VPS4B: variants seen among roughly 807,000 people sequenced by gnomAD.
The protein encoded by VPS4B is vacuolar protein sorting-associated protein 4B.
A neutral mutation model predicts 56.1 loss-of-function variants in VPS4B; 23 were observed. That is an observed-to-expected ratio of 0.41 (90% CI 0.30 to 0.58). VPS4B has a LOEUF of 0.58. VPS4B is among the 20% of genes least tolerant of loss of function. VPS4B has a pLI of 0.29. For synonymous variants in VPS4B, 177 were observed against 186.0 expected, an observed-to-expected ratio of 0.95 and a Z score of 0.39; for missense variants, 372 against 531.9, an observed-to-expected ratio of 0.70 and a Z score of 2.96.
chr18:63,400,785 T>C, intron 5 of VPS4B, 82 bp from the exon 6 acceptor site: 1 of 1,331,518 alleles, frequency 7.5e-7, no homozygotes, highest in Non-Finnish European at 1.0e-6. Flanking sequence ...TCTGGAAAGA[T>C]TTTCACTCTA....
intron 1 of VPS4B, among the ~76,000 whole-genome samples, chr18:63,412,030 A>G (rs1197425588): frequency 2.6e-5 from 4 of 152,248 alleles, no homozygotes; most frequent in African/African-American, 9.6e-5. Context: ...CTTCAGAAGC[A>G]ATGGGGCAAT....
chr18:63,415,900 C>A, intron 1 of VPS4B: 1 of 203,300 alleles, frequency 4.9e-6, no homozygotes, highest in East Asian at 1.3e-4. Flanking sequence ...GCCTAGAGGT[C>A]CGTACAGCAG....
intron 1 of VPS4B, among the ~76,000 whole-genome samples, chr18:63,419,365 C>T (rs1435818206): frequency 6.6e-6 from 1 of 151,736 alleles, no homozygotes; most frequent in Non-Finnish European, 1.5e-5. Context: ...TACCATAAGC[C>T]GAGATCATGC....
At position 63,407,510 on chromosome 18, in the gene VPS4B, G is replaced by T. The variant is rs1220374327; in HGVS notation, c.297-11C>A. On this transcript the variant is annotated splice_polypyrimidine_tract_variant and intron_variant, in intron 3 of 10. Coordinates refer to ENST00000238497, the MANE Select transcript of VPS4B (RefSeq NM_004869.4). The stretch of plus-strand genomic sequence containing the variant: ...CCATCACTGTCATTCCTAATAAAAA[G>T]AATTTAATATATTCAAATGATCACT... 2 of 1,590,522 alleles carry T rather than the reference G, an allele frequency of 1.3e-6. No homozygotes were observed. The highest frequency in any genetic ancestry group is 8.6e-7 in the Non-Finnish European group (1 of 1,168,898).
intron 8 of VPS4B, among the ~76,000 whole-genome samples, chr18:63,398,552 T>A (rs1915734111): frequency 6.6e-6 from 1 of 150,390 alleles, no homozygotes; most frequent in African/African-American, 2.4e-5. Context: ...AAAAAAAAAA[T>A]CTTGGCTGGG....
chr18:63,408,896 G>A (rs1302973667), intron 3 of VPS4B, among the ~76,000 whole-genome samples: 2 of 152,210 alleles, frequency 1.3e-5, no homozygotes, highest in African/African-American at 4.8e-5. Flanking sequence ...AAGCAAGAGA[G>A]AAGAGCTTCT....
rs375050744 is a variant in VPS4B at position 63,403,703 on chromosome 18, T to C, written c.484+4A>G. ...GAAATAAAATTATTTAAAAGTTATGTCACCTGTAAAAAGATGAGGAAATTT... is the reference window on the plus strand; with the variant it reads ...GAAATAAAATTATTTAAAAGTTATGCCACCTGTAAAAAGATGAGGAAATTT... On this transcript the variant is annotated splice_donor_region_variant and intron_variant, in intron 5 of 10. Coordinates refer to ENST00000238497, the MANE Select transcript of VPS4B (RefSeq NM_004869.4). The C allele has an allele frequency of 2.5e-6, 4 of 1,599,890 alleles. No homozygotes were observed. The highest frequency in any genetic ancestry group is 1.1e-5 in the South Asian group (1 of 87,698).
intron 6 of VPS4B, 30 bp downstream of exon 6, chr18:63,400,517 A>C: frequency 6.3e-7 from 1 of 1,592,252 alleles, no homozygotes; most frequent in Non-Finnish European, 8.5e-7. Flanking sequence ...AGGCAAAGAA[A>C]AAACTTTAAA....
chr18:63,417,200 C>A (rs1350903913), intron 1 of VPS4B, among the ~76,000 whole-genome samples: 1 of 152,170 alleles, frequency 6.6e-6, no homozygotes, highest in African/African-American at 2.4e-5. Flanking sequence ...CATCGACATA[C>A]AAACAGCCCT....
In VPS4B at chr18:63,411,495, A is replaced by G. The variant is rs749621646; in HGVS notation, c.111T>C (p.Ala37=). Residue 37 remains alanine (A), a synonymous_variant, in exon 2 of 11, where the codon GCT becomes GCC. Transcript: ENST00000238497. ...YEEALQLYQH[A]VQYFLHVVKY... ...TAACGACATGAAGAAAATACTGCAC[A>G]GCATGCTGATAGAGCTGAAGGGCTT... 1.3e-6 allele frequency: 2 copies of G among 1,596,304 alleles called. No individual in the cohort carries two copies. The highest frequency in any genetic ancestry group is 1.1e-5 in the South Asian group (1 of 87,778).
rs1478169992 is a variant in VPS4B, at chr18:63,389,594, A to C, written c.*1381T>G. On this transcript the variant is annotated 3_prime_UTR_variant, in exon 11 of 11. Coordinates refer to ENST00000238497, the MANE Select transcript of VPS4B (RefSeq NM_004869.4). ...TATGAAACACATCCTCAGATTATTT[A>C]TTTGAAAATATTAAAATAGCATCGT... 4 of 140,066 alleles carry C rather than the reference A, an allele frequency of 2.9e-5. No individual in the cohort carries two copies. The highest frequency in any genetic ancestry group is 1.1e-4 in the African/African-American group (4 of 35,192). The allele number at this position is 140,066 out of a possible 1,614,324, so 8.7% of individuals were successfully genotyped here.
intron 10 of VPS4B, 79 bp downstream of exon 10, chr18:63,393,330 C>G: frequency 1.5e-6 from 2 of 1,348,820 alleles, no homozygotes; most frequent in South Asian, 3.8e-5. Context: ...CTAAGATTTT[C>G]CAGCAAATCT....
chr18:63,394,796 A>G (rs1031812617), intron 9 of VPS4B, among the ~76,000 whole-genome samples: 1 of 152,148 alleles, frequency 6.6e-6, no homozygotes, highest in African/African-American at 2.4e-5. Context: ...CTGTTTCACA[A>G]TAATCGACTT....
intron 8 of VPS4B, among the ~76,000 whole-genome samples, chr18:63,397,958 G>C (rs1915708348): frequency 6.6e-6 from 1 of 152,072 alleles, no homozygotes; most frequent in African/African-American, 2.4e-5. Flanking sequence ...CTTGGTACTG[G>C]ATGGTAAGCT....
chr18:63,415,419 C>A, intron 1 of VPS4B: 1 of 282,902 alleles, frequency 3.5e-6, no homozygotes, highest in South Asian at 4.2e-5. Context: ...CTCGCCGTTC[C>A]CTCAGGGCAT....
chr18:63,397,207 C>T lies in VPS4B; in HGVS notation c.919G>A (p.Ala307Thr), dbSNP rs1915691453. Residue 307 changes from alanine to threonine, a missense_variant, in exon 9 of 11, where the codon GCA becomes ACA. Physicochemically the swap from Ala to Thr is moderately conservative, Grantham distance 58 (BLOSUM62 0). Coordinates refer to ENST00000238497, the MANE Select transcript of VPS4B (RefSeq NM_004869.4). ...CCTAGGTGCAGTTTAAACATTGCTG[C>T]TCGGGCATGGGGTTCCGGCAAGGGA... ...YIPLPEPHAR[A>T]AMFKLHLGTT... 1 of 1,613,904 alleles carries T rather than the reference C, an allele frequency of 6.2e-7. No individual in the cohort carries two copies. Among genetic ancestry groups the T allele is most frequent in the Non-Finnish European group, 8.5e-7 (1 of 1,179,950 alleles).
At chr18:63,405,142 A>G (rs1393699985) in intron 4 of VPS4B, among the ~76,000 whole-genome samples, 4 of 152,226 alleles carry the variant, frequency 2.6e-5, no homozygotes, top group African/African-American at 9.6e-5. Context: ...GTTTACTGAT[A>G]AACAATCTCA....
Position 63,392,757 on chromosome 18 carries a change from G to GTT in VPS4B, c.1233+650_1233+651dup, listed in dbSNP as rs57144224. Among the ~76,000 whole-genome samples the GTT allele has an allele frequency of 3.6e-3, 488 of 135,522 alleles. 2 individuals are homozygous for GTT. The highest frequency in any genetic ancestry group is 6.3e-3 in the East Asian group (30 of 4,752). The allele number at this position is 135,522 out of a possible 152,430, so 88.9% of individuals were successfully genotyped here. On this transcript the variant is annotated intron_variant, in intron 10 of 10. Coordinates refer to ENST00000238497, the MANE Select transcript of VPS4B (RefSeq NM_004869.4). The stretch of plus-strand genomic sequence containing the variant: ...GCCACCGTACCTGGCCCTATTTTTT[G>GTT]TTTTTTTTTTGGAGACAGAGTCTCG...
intron 10 of VPS4B, 151 bp from the exon 11 acceptor site, chr18:63,391,227 A>ATT: frequency 2.1e-6 from 1 of 472,118 alleles, no homozygotes; most frequent in South Asian, 2.4e-5. Context: ...TAAACTCCCT[A>ATT]TTCTTTTTTT....
Sources: gnomAD v4.1 joint callset for allele counts (sites outside exome capture counted in the v4.1 genomes callset) on GRCh38, gnomAD v4.1.1 for gene constraint, MANE v1.5 for transcripts, NCBI Gene and HGNC (gene_info 2026-07-23, HGNC 2026-07-21) for gene names.